Variants in LRPPRC observed in about 807,000 individuals in gnomAD.
LRPPRC encodes the protein leucine-rich PPR motif-containing protein, mitochondrial.
In LRPPRC, 120 loss-of-function variants were observed where a neutral mutation model predicts 180.3. That is an observed-to-expected ratio of 0.67 (90% CI 0.57 to 0.77). LRPPRC has a LOEUF of 0.77. LRPPRC is among the 30% of genes least tolerant of loss of function. LRPPRC has a pLI of 0.00. For synonymous variants in LRPPRC, 723 were observed against 600.0 expected (o/e 1.21, Z -3.00); for missense variants, 2,012 against 1,657.2 (o/e 1.21, Z -3.72).
At chr2:43,975,057 T>C (rs201985724) in intron 7 of LRPPRC, 34 bp downstream of exon 7, 26 of 1,605,450 alleles carry the variant, frequency 1.6e-5, no homozygotes, top group Middle Eastern at 3.3e-4. Context: ...TTACAAATGA[T>C]TTTAAAGTAT....
In LRPPRC at chr2:43,887,671, A is replaced by C. The variant is rs1251779216; in HGVS notation, c.*929T>G. 2.6e-5 allele frequency: 4 copies of C among 152,266 alleles called. No homozygotes were observed. Among genetic ancestry groups the C allele is most frequent in the African/African-American group, 9.6e-5 (4 of 41,538 alleles). 9.4% of individuals were successfully genotyped at this position (152,266 alleles called of 1,614,324 possible). On this transcript the variant is annotated 3_prime_UTR_variant, in exon 38 of 38. Transcript: ENST00000260665. ...ATTAAGACACCTTTTATAATGGCAA[A>C]CTCTCCTGACTACCTATCTTAGAAT... is the stretch of plus-strand genomic sequence containing the variant.
Position 43,948,467 on chromosome 2 carries a change from T to C in LRPPRC, c.1787A>G (p.Glu596Gly). The C allele has an allele frequency of 6.2e-7, 1 of 1,612,850 alleles. No individual in the cohort carries two copies. Among genetic ancestry groups the C allele is most frequent in the Non-Finnish European group, 8.5e-7 (1 of 1,178,826 alleles). Reference sequence around the variant, plus strand: ...CAAATGCTCCTCCTTGGCCTGTACCTCTGAGTCACTCATGCTGTCAATCAA... The same window carrying C: ...CAAATGCTCCTCCTTGGCCTGTACCCCTGAGTCACTCATGCTGTCAATCAA... Reference protein sequence around the residue: ...YNLIDSMSDSEVQAKEEHLRQ... With the variant: ...YNLIDSMSDSGVQAKEEHLRQ... Residue 596 changes from glutamate (E) to glycine (G), a missense_variant, in exon 17 of 38, where the codon GAG (glutamate) becomes GGG (glycine). By Grantham distance (98) the Glu-to-Gly change is moderately conservative. Coordinates refer to ENST00000260665, the MANE Select transcript of LRPPRC (RefSeq NM_133259.4).
intron 30 of LRPPRC, among the ~76,000 whole-genome samples, chr2:43,908,626 G>T (rs564009727): frequency 9.1e-6 from 1 of 109,656 alleles, no homozygotes; most frequent in Non-Finnish European, 1.7e-5. Context: ...GGTTCAAGCC[G>T]TTCTCCTGCC....
intron 9 of LRPPRC, 48 bp from the exon 10 acceptor site, chr2:43,973,948 C>A: frequency 8.3e-7 from 1 of 1,204,158 alleles, no homozygotes; most frequent in South Asian, 1.2e-5. Flanking sequence ...AACACCCCAC[C>A]GTTTGACCTG....
intron 14 of LRPPRC, among the ~76,000 whole-genome samples, chr2:43,952,857 G>C (rs1262301676): frequency 6.6e-6 from 1 of 152,170 alleles, no homozygotes; most frequent in East Asian, 1.9e-4. Flanking sequence ...GCCTTTACCT[G>C]TACTCTCCCC....
intron 17 of LRPPRC, 92 bp downstream of exon 17, chr2:43,948,320 G>A: frequency 1.1e-6 from 1 of 921,908 alleles, no homozygotes; most frequent in East Asian, 2.4e-5. Flanking sequence ...TCATTGAGAA[G>A]TGGTCTGGTT....
At position 43,918,821 on chromosome 2, in the gene LRPPRC, ATC is replaced by A. The variant is rs200403680; in HGVS notation, c.2897-425_2897-424del. Among the ~76,000 whole-genome samples the A allele has an allele frequency of 8.3e-3, 1,191 of 143,046 alleles. 2 individuals carry two copies. Among genetic ancestry groups the A allele is most frequent in the South Asian group, 0.032 (147 of 4,610 alleles). The allele number at this position is 143,046 out of a possible 152,430, so 93.8% of individuals were successfully genotyped here. On this transcript the variant is annotated intron_variant, in intron 27 of 37. Coordinates refer to ENST00000260665, the MANE Select transcript of LRPPRC (RefSeq NM_133259.4). ...TATATATATATATAGATATATATAT[ATC>A]TATATATAGATATCTCTATATATAG...
intron 36 of LRPPRC, chr2:43,892,916 T>C (rs1670546312): frequency 6.6e-6 from 1 of 152,244 alleles, no homozygotes; most frequent in African/African-American, 2.4e-5. Flanking sequence ...TCACCATTTC[T>C]AGATGCCATT....
chr2:43,971,336 AAT>A (rs888226269), intron 11 of LRPPRC, among the ~76,000 whole-genome samples: 3 of 151,868 alleles, frequency 2.0e-5, no homozygotes, highest in Admixed American at 2.0e-4. Context: ...CACAGAGATA[AAT>A]ACTAGTAAGA....
chr2:43,989,530 A>G (rs1293108614), intron 1 of LRPPRC, among the ~76,000 whole-genome samples: 2 of 152,240 alleles, frequency 1.3e-5, no homozygotes, highest in Non-Finnish European at 1.5e-5. Flanking sequence ...ACATTCTGAG[A>G]TCTTCTATGT....
intron 1 of LRPPRC, among the ~76,000 whole-genome samples, chr2:43,990,246 A>G (rs1025693358): frequency 3.3e-5 from 5 of 152,022 alleles, no homozygotes; most frequent in Non-Finnish European, 5.9e-5. Context: ...ATCAGCATCT[A>G]TTCTAAAGGT....
chr2:43,915,198 A>ACTCTCTCTCTCTCTCTAT (rs1671406565), intron 29 of LRPPRC, among the ~76,000 whole-genome samples: 1 of 63,388 alleles, frequency 1.6e-5, no homozygotes, highest in Non-Finnish European at 3.8e-5. Context: ...ACAGAACAAG[A>ACTCTCTCTCTCTCTCTAT]CTCTCTCTCT....
At chr2:43,933,296 A>G (rs1343228260) in intron 25 of LRPPRC, among the ~76,000 whole-genome samples, 4 of 152,186 alleles carry the variant, frequency 2.6e-5, no homozygotes, top group East Asian at 1.9e-4. Context: ...TTGTGTGCCT[A>G]TATTTTCAGT....
intron 1 of LRPPRC, among the ~76,000 whole-genome samples, chr2:43,993,822 T>C (rs1001644433): frequency 2.6e-5 from 4 of 151,000 alleles, no homozygotes; most frequent in South Asian, 4.2e-4. Flanking sequence ...GACCGGCATG[T>C]TTTGGATTGA....
chr2:43,971,439 T>C (rs1673798979), intron 11 of LRPPRC, among the ~76,000 whole-genome samples: 1 of 123,432 alleles, frequency 8.1e-6, no homozygotes, highest in Non-Finnish European at 1.6e-5. Flanking sequence ...AACTTGATTA[T>C]TATACAGGGC....
At position 43,894,560 on chromosome 2, in the gene LRPPRC, G is replaced by A. The variant is rs1670613354; in HGVS notation, c.3970C>T (p.Leu1324Phe). 1.3e-6 allele frequency: 2 copies of A among 1,517,900 alleles called. No homozygotes were observed. Among genetic ancestry groups the A allele is most frequent in the Admixed American group, 1.7e-5 (1 of 59,842 alleles). 94.0% of individuals were successfully genotyped at this position (1,517,900 alleles called of 1,614,324 possible). A position where few individuals can be genotyped will look rare whatever the true frequency, so the allele number is the denominator to read the frequency against. Residue 1324 changes from leucine to phenylalanine, a missense_variant, in exon 36 of 38, where the codon CTC becomes TTC. Coordinates refer to ENST00000260665, the MANE Select transcript of LRPPRC (RefSeq NM_133259.4). ...CTTATATTACCATAGCTTTTCATGAGGGAATTGTATGCTTCTTCCTTTTCA... is the reference window on the plus strand; with the variant it reads ...CTTATATTACCATAGCTTTTCATGAAGGAATTGTATGCTTCTTCCTTTTCA... The part of the protein sequence containing the change: ...LNEKEEAYNS[L>F]MKSYVSEKDV...
intron 14 of LRPPRC, among the ~76,000 whole-genome samples, chr2:43,955,977 C>T (rs1386715082): frequency 1.3e-5 from 2 of 151,652 alleles, no homozygotes; most frequent in African/African-American, 4.8e-5. Flanking sequence ...TATTGCACAC[C>T]TGCCTTTATA....
Position 43,918,349 on chromosome 2 carries a change from T to C in LRPPRC, c.2946A>G (p.Gln982=), listed in dbSNP as rs776069905. ...TTTCACGAGGAATAACATTTTCTTC[T>C]TGGATTTTATTCCAGACTGCATCAG... ...QRADAVWNKI[Q]EENVIPREKT... is the part of the protein sequence containing the mutation. Residue 982 remains glutamine (Q), a synonymous_variant, in exon 28 of 38, where the codon CAA becomes CAG. Transcript: ENST00000260665. 8.1e-6 allele frequency: 13 copies of C among 1,610,554 alleles called. No individual in the cohort carries two copies. Among genetic ancestry groups the C allele is most frequent in the Non-Finnish European group, 1.1e-5 (13 of 1,176,900 alleles).
intron 11 of LRPPRC, 162 bp from the exon 12 acceptor site, chr2:43,963,868 TAAA>T (rs1673452861): frequency 1.6e-6 from 1 of 642,810 alleles, no homozygotes; most frequent in African/African-American, 1.8e-5. Context: ...GATACAATGA[TAAA>T]AAAATTAACT....
Sources: gnomAD v4.1 joint callset for allele counts (sites outside exome capture counted in the v4.1 genomes callset) on GRCh38, gnomAD v4.1.1 for gene constraint, MANE v1.5 for transcripts, NCBI Gene and HGNC (gene_info 2026-07-23, HGNC 2026-07-21) for gene names.